The following GRM1 variants were observed in gnomAD, a reference collection of about 807,000 sequenced individuals.
The protein encoded by GRM1 is glutamate metabotropic receptor 1, also known as metabotropic glutamate receptor 1.
A neutral mutation model predicts 90.9 loss-of-function variants in GRM1; 33 were observed. The observed-to-expected ratio is 0.36, with a 90% CI of 0.28 to 0.49. GRM1 has a LOEUF of 0.49. Among genes scored for constraint, GRM1 ranks in the 20% least tolerant of loss-of-function variants. The pLI is 0.99. For missense variants in GRM1, 1,190 were observed against 1,534.3 expected, an observed-to-expected ratio of 0.78 and a Z score of 3.75; for synonymous variants, 700 against 613.2, an observed-to-expected ratio of 1.14 and a Z score of -2.09.
At chr6:146,131,089 A>G (rs1776381490) in intron 1 of GRM1, among the ~76,000 whole-genome samples, 2 of 152,130 alleles carry the variant, frequency 1.3e-5, no homozygotes, top group Non-Finnish European at 1.5e-5. Context: ...ATATTACATT[A>G]TGTTTCAGGA....
intron 2 of GRM1, among the ~76,000 whole-genome samples, chr6:146,283,411 A>G (rs1670270143): frequency 6.6e-6 from 1 of 152,218 alleles, no homozygotes; most frequent in African/African-American, 2.4e-5. Context: ...AACATCGGGT[A>G]GTCCTGTGAG....
At chr6:146,371,835 A>G (rs1278128867) in intron 5 of GRM1, among the ~76,000 whole-genome samples, 2 of 152,140 alleles carry the variant, frequency 1.3e-5, no homozygotes, top group African/African-American at 4.8e-5. Flanking sequence ...CATTGTGTAT[A>G]TGCATTACCT....
At chr6:146,253,522 C>G (rs1781375016) in intron 2 of GRM1, among the ~76,000 whole-genome samples, 1 of 152,082 alleles carries the variant, frequency 6.6e-6, no homozygotes, top group Non-Finnish European at 1.5e-5. Context: ...AAGCCGTTCA[C>G]ATTCATTTTA....
intron 2 of GRM1, among the ~76,000 whole-genome samples, chr6:146,224,719 A>G (rs1173873922): frequency 6.6e-6 from 1 of 152,146 alleles, no homozygotes; most frequent in Non-Finnish European, 1.5e-5. Context: ...GGTAAAATCG[A>G]GAGTCCTCAG....
At chr6:146,410,734 AGAGG>A (rs1183548416) in intron 7 of GRM1, among the ~76,000 whole-genome samples, 2 of 152,294 alleles carry the variant, frequency 1.3e-5, no homozygotes, top group Non-Finnish European at 2.9e-5. Flanking sequence ...TATTCTAGGC[AGAGG>A]GACCACGATG....
At chr6:146,421,427 T>C (rs1329817126) in intron 7 of GRM1, among the ~76,000 whole-genome samples, 1 of 152,080 alleles carries the variant, frequency 6.6e-6, no homozygotes, top group East Asian at 1.9e-4. Context: ...GTATATAAAA[T>C]ATAATATGCT....
intron 7 of GRM1, among the ~76,000 whole-genome samples, chr6:146,412,924 A>G (rs1176973369): frequency 6.6e-6 from 1 of 152,104 alleles, no homozygotes; most frequent in Non-Finnish European, 1.5e-5. Flanking sequence ...GTACAATACC[A>G]TCTTTCTTTT....
chr6:146,236,391 G>GT (rs1413245464), intron 2 of GRM1, among the ~76,000 whole-genome samples: 8 of 151,988 alleles, frequency 5.3e-5, no homozygotes, highest in African/African-American at 1.9e-4. Context: ...TCACCTTTAG[G>GT]TTTTCTTTTA....
intron 6 of GRM1, among the ~76,000 whole-genome samples, chr6:146,394,354 G>A (rs1776851149): frequency 6.6e-6 from 1 of 152,064 alleles, no homozygotes; most frequent in Non-Finnish European, 1.5e-5. Flanking sequence ...GATGAACTCA[G>A]ATTTTTATAG....
At chr6:146,277,285 T>G (rs1370890014) in intron 2 of GRM1, among the ~76,000 whole-genome samples, 1 of 152,192 alleles carries the variant, frequency 6.6e-6, no homozygotes, top group Non-Finnish European at 1.5e-5. Flanking sequence ...AAGAAAGGCC[T>G]GTCTGCCTTT....
chr6:146,335,938 T>G (rs571728999), intron 3 of GRM1, among the ~76,000 whole-genome samples: 1 of 152,196 alleles, frequency 6.6e-6, no homozygotes, highest in Non-Finnish European at 1.5e-5. Flanking sequence ...GATCTGATGG[T>G]TTTACAGAGG....
chr6:146,281,335 G>A (rs531382630), intron 2 of GRM1, among the ~76,000 whole-genome samples: 1 of 152,262 alleles, frequency 6.6e-6, no homozygotes, highest in East Asian at 1.9e-4. Flanking sequence ...ACATTACTTA[G>A]CACATTTGAT....
At chr6:146,328,560 T>C (rs570974367) in intron 3 of GRM1, among the ~76,000 whole-genome samples, 1 of 152,292 alleles carries the variant, frequency 6.6e-6, no homozygotes, top group African/African-American at 2.4e-5. Context: ...ATAGTAATAT[T>C]ATCTTAACTA....
At chr6:146,232,311 T>C (rs1442530049) in intron 2 of GRM1, among the ~76,000 whole-genome samples, 3 of 152,088 alleles carry the variant, frequency 2.0e-5, no homozygotes, top group Non-Finnish European at 4.4e-5. Context: ...CTATCTTCTT[T>C]GTCTATCCAC....
chr6:146,415,784 C>T (rs1312815078), intron 7 of GRM1, among the ~76,000 whole-genome samples: 1 of 152,128 alleles, frequency 6.6e-6, no homozygotes, highest in Non-Finnish European at 1.5e-5. Context: ...AAGATATTCC[C>T]TTATACTCTT....
At chr6:146,272,125 A>G (rs913975746) in intron 2 of GRM1, among the ~76,000 whole-genome samples, 4 of 152,174 alleles carry the variant, frequency 2.6e-5, no homozygotes, top group African/African-American at 9.7e-5. Context: ...ATGGATATAG[A>G]TACATAAAGT....
chr6:146,251,945 T>C (rs1781301317), intron 2 of GRM1, among the ~76,000 whole-genome samples: 1 of 152,190 alleles, frequency 6.6e-6, no homozygotes. Flanking sequence ...TGCCTTCACC[T>C]CCTTCATGGA....
chr6:146,093,847 A>G (rs1776791851), intron 1 of GRM1, among the ~76,000 whole-genome samples: 1 of 152,056 alleles, frequency 6.6e-6, no homozygotes, highest in Non-Finnish European at 1.5e-5. Flanking sequence ...TTAGAATATT[A>G]TCCTCACATT....
At chr6:146,193,887 C>G (rs1472718126) in intron 2 of GRM1, among the ~76,000 whole-genome samples, 2 of 151,962 alleles carry the variant, frequency 1.3e-5, no homozygotes, top group Non-Finnish European at 2.9e-5. Context: ...GGGTACATAC[C>G]TAGGAATGTA....
Sources: allele counts gnomAD v4.1 joint callset (sites outside exome capture counted in the v4.1 genomes callset), GRCh38; gene constraint gnomAD v4.1.1; transcripts MANE v1.5; gene names NCBI Gene and HGNC (gene_info 2026-07-23, HGNC 2026-07-21).